Variants in SPOP observed in about 807,000 individuals in gnomAD.
The protein encoded by SPOP is speckle-type POZ protein.
SPOP carries 11 observed loss-of-function variants against 45.6 expected under a neutral mutation model. That is an observed-to-expected ratio of 0.24 (90% CI 0.15 to 0.40). SPOP has a LOEUF of 0.40. Ranked by LOEUF, SPOP falls within the 10% of genes least tolerant of loss-of-function variation. The pLI is 1.00. For synonymous variants in SPOP, 166 were observed against 166.3 expected, an observed-to-expected ratio of 1.00 and a Z score of 0.01; for missense variants, 152 against 465.6, an observed-to-expected ratio of 0.33 and a Z score of 6.20.
At chr17:49,637,107 G>A (rs1244669136) in intron 1 of SPOP, among the ~76,000 whole-genome samples, 2 of 151,998 alleles carry the variant, frequency 1.3e-5, no homozygotes, top group African/African-American at 4.8e-5. Context: ...CAGTTACTTA[G>A]GAGGCTGAGG....
At chr17:49,611,217 T>C (rs2071965971) in intron 6 of SPOP, 63 bp downstream of exon 6, 3 of 1,540,136 alleles carry the variant, frequency 1.9e-6, no homozygotes, top group East Asian at 4.5e-5. Context: ...AAGGTGATTA[T>C]GCAATCACTT....
At chr17:49,645,620 A>G (rs2072743019) in intron 1 of SPOP, among the ~76,000 whole-genome samples, 1 of 152,122 alleles carries the variant, frequency 6.6e-6, no homozygotes, top group Non-Finnish European at 1.5e-5. Context: ...AATAAAAATA[A>G]TGTCCACAGT....
chr17:49,610,054 G>T (rs1567772395), intron 6 of SPOP, among the ~76,000 whole-genome samples: 1 of 152,112 alleles, frequency 6.6e-6, no homozygotes, highest in Non-Finnish European at 1.5e-5. Context: ...AAGTAGGCAA[G>T]GTAATCTTTT....
At chr17:49,664,029 G>A (rs1567802708) in intron 1 of SPOP, among the ~76,000 whole-genome samples, 1 of 152,142 alleles carries the variant, frequency 6.6e-6, no homozygotes, top group Non-Finnish European at 1.5e-5. Flanking sequence ...TTTCCCAAAA[G>A]ACCGCAGCAT....
chr17:49,606,323 TTTTTTA>T lies in SPOP; in HGVS notation c.837+921_837+926del, dbSNP rs573156317. Among the ~76,000 whole-genome samples, 1,374 of 151,436 alleles carry T rather than the reference TTTTTTA, an allele frequency of 9.1e-3. 10 individuals carry two copies. Among genetic ancestry groups the T allele is most frequent in the South Asian group, 0.035 (166 of 4,772 alleles). ...CGTGCACCATCACACTTGGCTAAATTTTTTTATTTTTATTTTTGTAGGGATGGAGTC... is the reference window on the plus strand; with the variant it reads ...CGTGCACCATCACACTTGGCTAAATTTTTTTATTTTTGTAGGGATGGAGTC... On this transcript the variant is annotated intron_variant, in intron 8 of 9. Transcript: ENST00000504102.
intron 1 of SPOP, chr17:49,646,137 T>C (rs929528029): frequency 1.3e-5 from 2 of 152,208 alleles, no homozygotes; most frequent in African/African-American, 4.8e-5. Flanking sequence ...ATCATCTTTA[T>C]AACATTTAAA....
intron 1 of SPOP, among the ~76,000 whole-genome samples, chr17:49,627,469 A>G (rs2072357696): frequency 6.6e-6 from 1 of 152,236 alleles, no homozygotes; most frequent in Admixed American, 6.5e-5. Context: ...ACTTTGGGAC[A>G]GGGTGGCAAT....
At chr17:49,635,979 G>A (rs567522638) in intron 1 of SPOP, among the ~76,000 whole-genome samples, 75 of 151,546 alleles carry the variant, frequency 4.9e-4, no homozygotes, top group Non-Finnish European at 8.5e-4. Flanking sequence ...TTCCCTGAAG[G>A]TCTTTTATGT....
intron 1 of SPOP, among the ~76,000 whole-genome samples, chr17:49,638,779 A>G (rs1479778679): frequency 6.6e-6 from 1 of 152,204 alleles, no homozygotes; most frequent in African/African-American, 2.4e-5. Context: ...ATCAGATACC[A>G]TAAAATAAAT....
chr17:49,657,645 C>T (rs985841842), intron 1 of SPOP, among the ~76,000 whole-genome samples: 2 of 151,588 alleles, frequency 1.3e-5, no homozygotes, highest in African/African-American at 2.4e-5. Flanking sequence ...GATCCACTCG[C>T]CTCGGCCTCC....
At chr17:49,666,368 GCAAACTTT>G (rs1343828529) in intron 1 of SPOP, among the ~76,000 whole-genome samples, 2 of 149,970 alleles carry the variant, frequency 1.3e-5, no homozygotes, top group East Asian at 3.9e-4. Context: ...AAGGTGAAAA[GCAAACTTT>G]TACAACTTTT....
Position 49,674,006 on chromosome 17 carries a change from C to T in SPOP, c.-67+3927G>A, listed in dbSNP as rs184585886. On this transcript the variant is annotated intron_variant, in intron 1 of 9. Transcript: ENST00000504102. ...TACTAAAAATACAAAATTAGCCGGG[C>T]GTGGTGTTGCATGCCTGTAATCCCA... Among the ~76,000 whole-genome samples the T allele has an allele frequency of 3.9e-4, 60 of 152,082 alleles. No individual in the cohort carries two copies. The East Asian group carries it at 9.8e-3, about 25-fold the overall frequency.
At chr17:49,638,308 G>A (rs528161744) in intron 1 of SPOP, among the ~76,000 whole-genome samples, 3 of 152,202 alleles carry the variant, frequency 2.0e-5, no homozygotes, top group South Asian at 2.1e-4. Context: ...ATAGAATCTC[G>A]GCTGGGCACA....
intron 1 of SPOP, among the ~76,000 whole-genome samples, chr17:49,653,980 T>C (rs969332600): frequency 6.6e-6 from 1 of 152,106 alleles, no homozygotes; most frequent in African/African-American, 2.4e-5. Context: ...GCAACTTGTA[T>C]TGCAAATCCT....
At chr17:49,622,998 T>C in intron 1 of SPOP, 122 bp from the exon 2 acceptor site, 1 of 547,336 alleles carries the variant, frequency 1.8e-6, no homozygotes, top group Non-Finnish European at 3.2e-6. Context: ...TCCTTACCAC[T>C]GAGGTCCTAA....
At chr17:49,645,085 G>A (rs150356468) in intron 1 of SPOP, among the ~76,000 whole-genome samples, 66 of 152,172 alleles carry the variant, frequency 4.3e-4, no homozygotes, top group African/African-American at 1.6e-3. Context: ...AAGCTAAATA[G>A]CTCAAAGCAA....
chr17:49,652,585 C>T (rs1017826343), intron 1 of SPOP, among the ~76,000 whole-genome samples: 1 of 152,190 alleles, frequency 6.6e-6, no homozygotes, highest in Non-Finnish European at 1.5e-5. Context: ...CTCCTCTAGA[C>T]AATTTCCTAC....
chr17:49,629,265 A>T (rs954697352), intron 1 of SPOP, among the ~76,000 whole-genome samples: 1 of 152,146 alleles, frequency 6.6e-6, no homozygotes, highest in African/African-American at 2.4e-5. Flanking sequence ...AAATACTCTG[A>T]TGACTGAAAC....
chr17:49,629,483 C>G (rs555920296), intron 1 of SPOP, among the ~76,000 whole-genome samples: 46 of 152,244 alleles, frequency 3.0e-4, no homozygotes, highest in African/African-American at 1.1e-3. Flanking sequence ...GTTTTTCATC[C>G]AGTATCAAGT....
Sources: gnomAD v4.1 joint callset for allele counts (sites outside exome capture counted in the v4.1 genomes callset) on GRCh38, gnomAD v4.1.1 for gene constraint, MANE v1.5 for transcripts, NCBI Gene and HGNC (gene_info 2026-07-23, HGNC 2026-07-21) for gene names.